Variants in GARIN1B observed in about 807,000 individuals in gnomAD.
The protein encoded by GARIN1B is golgi associated RAB2 interactor 1B.
chr7:128,729,187 C>A, the GARIN1B span, among the ~76,000 whole-genome samples: 1 of 152,054 alleles, frequency 6.6e-6, no homozygotes, highest in Non-Finnish European at 1.5e-5. Flanking sequence ...AGTGTAGTCT[C>A]TCAGTTTAAA....
At chr7:128,720,847 A>G in the GARIN1B span, among the ~76,000 whole-genome samples, 1 of 152,216 alleles carries the variant, frequency 6.6e-6, no homozygotes, top group Admixed American at 6.5e-5. Context: ...TGTTAATAAA[A>G]CAATGTCTTG....
At chr7:128,721,953 C>A in the GARIN1B span, among the ~76,000 whole-genome samples, 2 of 152,020 alleles carry the variant, frequency 1.3e-5, no homozygotes, top group African/African-American at 4.8e-5. Flanking sequence ...GCGATAAAAT[C>A]TGCCTGGTCA....
At chr7:128,720,614 T>A in the GARIN1B span, among the ~76,000 whole-genome samples, 226 of 152,328 alleles carry the variant, frequency 1.5e-3, no homozygotes, top group Admixed American at 3.7e-3. Flanking sequence ...TTTAGGTCTA[T>A]GATCCATTTT....
the GARIN1B span, chr7:128,731,204 T>G: frequency 3.2e-6 from 4 of 1,267,674 alleles, no homozygotes; most frequent in African/African-American, 5.9e-5. Flanking sequence ...GGATGGAGAG[T>G]AGGAGAAAAC....
At chr7:128,717,045 T>A in the GARIN1B span, 11 of 1,516,288 alleles carry the variant, frequency 7.3e-6, no homozygotes, top group Non-Finnish European at 8.9e-6. Flanking sequence ...GAGGGGTGGA[T>A]GCAAAGTGGA....
chr7:128,715,550 AG>A, the GARIN1B span: 1 of 1,614,146 alleles, frequency 6.2e-7, no homozygotes, highest in Admixed American at 1.7e-5. Context: ...GGAAGAATTC[AG>A]GGGCCTCTTG....
the GARIN1B span, chr7:128,725,105 T>C: frequency 5.3e-6 from 1 of 188,862 alleles, no homozygotes; most frequent in Non-Finnish European, 1.1e-5. Flanking sequence ...TTAACTTGTA[T>C]TGTTAATTCT....
At chr7:128,714,808 C>T in the GARIN1B span, among the ~76,000 whole-genome samples, 11 of 152,094 alleles carry the variant, frequency 7.2e-5, no homozygotes, top group East Asian at 1.9e-4. Flanking sequence ...TCCCAGCCAG[C>T]GCCCTGACAA....
At chr7:128,730,209 C>T in the GARIN1B span, 1 of 1,007,480 alleles carries the variant, frequency 9.9e-7, no homozygotes, top group African/African-American at 1.6e-5. Flanking sequence ...ACAGAGACCT[C>T]AGCCCTCTTT....
chr7:128,722,128 A>G, the GARIN1B span, among the ~76,000 whole-genome samples: 2 of 152,222 alleles, frequency 1.3e-5, no homozygotes, highest in Non-Finnish European at 2.9e-5. Context: ...TCATTGAAGA[A>G]GTTGGAAAGT....
At chr7:128,717,172 G>A in the GARIN1B span, among the ~76,000 whole-genome samples, 2 of 152,202 alleles carry the variant, frequency 1.3e-5, no homozygotes, top group Non-Finnish European at 2.9e-5. Context: ...CAGAGGCCAA[G>A]TGGGACAAAG....
the GARIN1B span, among the ~76,000 whole-genome samples, chr7:128,730,687 C>G: frequency 1.3e-4 from 20 of 151,900 alleles, no homozygotes; most frequent in African/African-American, 4.8e-4. Flanking sequence ...CACTCTATCA[C>G]CCAGGCTGGA....
the GARIN1B span, among the ~76,000 whole-genome samples, chr7:128,709,536 A>C: frequency 6.6e-6 from 1 of 152,102 alleles, no homozygotes; most frequent in African/African-American, 2.4e-5. Flanking sequence ...TTTTCTTCTC[A>C]ACATTCTTTC....
At chr7:128,729,355 C>T in the GARIN1B span, among the ~76,000 whole-genome samples, 2 of 152,192 alleles carry the variant, frequency 1.3e-5, no homozygotes, top group Admixed American at 1.3e-4. Context: ...ACTTTAATGT[C>T]CAAACAGTCC....
chr7:128,726,966 G>T, the GARIN1B span: 2 of 1,121,382 alleles, frequency 1.8e-6, no homozygotes, highest in East Asian at 2.4e-5. Context: ...TTGTCCTGGT[G>T]CTGTCAGTAT....
At chr7:128,719,438 A>G in the GARIN1B span, among the ~76,000 whole-genome samples, 1 of 151,762 alleles carries the variant, frequency 6.6e-6, no homozygotes, top group Admixed American at 6.6e-5. Flanking sequence ...GAACATTTCC[A>G]TTACCCTAAA....
chr7:128,719,170 G>T, the GARIN1B span: 1 of 1,419,120 alleles, frequency 7.0e-7, no homozygotes, highest in Non-Finnish European at 9.6e-7. Flanking sequence ...GCCCTATGAA[G>T]GTGATCTCAG....
the GARIN1B span, chr7:128,716,961 A>T: frequency 6.2e-7 from 1 of 1,613,708 alleles, no homozygotes; most frequent in Non-Finnish European, 8.5e-7. Context: ...CAGACATGGA[A>T]CAGACCATCC....
At chr7:128,719,480 C>T in the GARIN1B span, among the ~76,000 whole-genome samples, 6 of 151,934 alleles carry the variant, frequency 3.9e-5, no homozygotes, top group Non-Finnish European at 5.9e-5. Context: ...CAGTCATTCC[C>T]TGTTCCTACT....
Sources: allele counts gnomAD v4.1 joint callset (sites outside exome capture counted in the v4.1 genomes callset), GRCh38; gene constraint gnomAD v4.1.1; transcripts MANE v1.5; gene names NCBI Gene and HGNC (gene_info 2026-07-23, HGNC 2026-07-21).